The following BOLL variants were observed in gnomAD, a reference collection of about 807,000 sequenced individuals.
The protein encoded by BOLL is boule RNA binding protein, also known as protein boule-like.
A neutral mutation model predicts 44.4 loss-of-function variants in BOLL; 23 were observed. The observed-to-expected ratio is 0.52, with a 90% confidence interval of 0.37 to 0.73. BOLL has a LOEUF of 0.73. Among genes scored for constraint, BOLL ranks in the 30% least tolerant of loss-of-function variants. The pLI is 0.00. For synonymous variants in BOLL, 97 were observed against 110.8 expected (o/e 0.88, Z 0.78); for missense variants, 287 against 338.3 (o/e 0.85, Z 1.19).
At chr2:197,757,253 A>G in intron 8 of BOLL, 100 bp downstream of exon 8, 1 of 949,590 alleles carries the variant, frequency 1.1e-6, no homozygotes, top group Non-Finnish European at 1.6e-6. Flanking sequence ...TAAACAGAAG[A>G]AGAAGGTCTC....
intron 10 of BOLL, among the ~76,000 whole-genome samples, chr2:197,729,735 G>C (rs1485361035): frequency 1.3e-5 from 2 of 152,046 alleles, no homozygotes; most frequent in Admixed American, 6.5e-5. Flanking sequence ...TATTCCAACA[G>C]ACCTGCAGCT....
chr2:197,774,948 A>G (rs1212723029), intron 5 of BOLL: 1 of 151,952 alleles, frequency 6.6e-6, no homozygotes, highest in Non-Finnish European at 1.5e-5. Flanking sequence ...TAATAACCTA[A>G]TGTTTTAAAC....
chr2:197,757,509 A>G, intron 7 of BOLL, 109 bp from the exon 8 acceptor site: 1 of 875,522 alleles, frequency 1.1e-6, no homozygotes, highest in Non-Finnish European at 1.8e-6. Context: ...CATATACAAA[A>G]ATTAACTCAA....
rs548976070 is a variant in BOLL, at chr2:197,739,888, A to G, written c.828+3173T>C. ...TACACAATTTCCATCACTTTGTGAT[A>G]TAGCTCTCTCTCAGTAACTGAAAAT... On this transcript the variant is annotated intron_variant, in intron 10 of 10. Transcript: ENST00000392296. 5.3e-5 allele frequency among the ~76,000 whole-genome samples: 8 copies of G among 152,316 alleles called. No individual in the cohort carries two copies. In the South Asian group the frequency reaches 1.4e-3, roughly 28 times the overall value.
At position 197,781,741 on chromosome 2, in the gene BOLL, A is replaced by G. The variant is rs746650488; in HGVS notation, c.110T>C (p.Val37Ala). ...YGTVIPNRIF[V>A]GGIDFKTNES... ...AGGTACCTTAAAATCAATTCCTCCT[A>G]CAAAGATGCGATTAGGGATCACTGT... Residue 37 changes from valine to alanine, a missense_variant, in exon 2 of 11, where the codon GTA becomes GCA. Val to Ala is a moderately conservative substitution (Grantham distance 64, BLOSUM62 0). Coordinates refer to ENST00000392296, the MANE Select transcript of BOLL (RefSeq NM_033030.6). The G allele has an allele frequency of 4.5e-6, 7 of 1,566,994 alleles. No individual in the cohort carries two copies. The Admixed American group carries it at 5.1e-5, about 11-fold the overall frequency.
chr2:197,770,540 G>A (rs1298477555), intron 6 of BOLL, among the ~76,000 whole-genome samples: 4 of 151,930 alleles, frequency 2.6e-5, no homozygotes, highest in Non-Finnish European at 5.9e-5. Context: ...AAAAGAAACT[G>A]CCATCAGAGT....
chr2:197,757,302 GAATA>G, intron 8 of BOLL, 47 bp downstream of exon 8: 1 of 1,493,318 alleles, frequency 6.7e-7, no homozygotes, highest in Non-Finnish European at 9.2e-7. Flanking sequence ...GTCATCACAA[GAATA>G]TAATGAAAGA....
At chr2:197,747,104 A>G (rs1343726323) in intron 9 of BOLL, among the ~76,000 whole-genome samples, 1 of 152,088 alleles carries the variant, frequency 6.6e-6, no homozygotes, top group African/African-American at 2.4e-5. Flanking sequence ...AGTACCTTAA[A>G]TGTTCTCACC....
intron 7 of BOLL, among the ~76,000 whole-genome samples, chr2:197,759,957 C>T (rs1458976163): frequency 1.3e-5 from 2 of 152,138 alleles, no homozygotes; most frequent in Non-Finnish European, 2.9e-5. Context: ...GCAGAAATGT[C>T]CCCAGGGGAG....
intron 7 of BOLL, among the ~76,000 whole-genome samples, chr2:197,760,624 C>A (rs975975791): frequency 1.3e-5 from 2 of 152,324 alleles, no homozygotes; most frequent in Admixed American, 1.3e-4. Context: ...CCACCCCTGG[C>A]AAAGCCCTAC....
At chr2:197,778,001 C>CTTT (rs1689595675) in intron 3 of BOLL, among the ~76,000 whole-genome samples, 1 of 151,748 alleles carries the variant, frequency 6.6e-6, no homozygotes, top group African/African-American at 2.4e-5. Context: ...CACACGCCAC[C>CTTT]CAGTGGAAAA....
intron 2 of BOLL, among the ~76,000 whole-genome samples, chr2:197,780,786 T>C (rs949412912): frequency 1.8e-4 from 28 of 152,140 alleles, no homozygotes; most frequent in African/African-American, 6.5e-4. Context: ...GAAGGTTTTT[T>C]TTTTGTTGAA....
chr2:197,759,733 C>T (rs1331834089), intron 7 of BOLL, among the ~76,000 whole-genome samples: 1 of 152,180 alleles, frequency 6.6e-6, no homozygotes. Context: ...CCAGGGTGAA[C>T]CCACTCTTTA....
intron 3 of BOLL, among the ~76,000 whole-genome samples, chr2:197,777,814 G>T (rs1029790104): frequency 1.3e-5 from 2 of 151,744 alleles, no homozygotes; most frequent in Non-Finnish European, 3.0e-5. Context: ...TTGCTATTTA[G>T]ATAACTTAAG....
In BOLL at chr2:197,740,370, A is replaced by G. The variant is rs553839664; in HGVS notation, c.828+2691T>C. On this transcript the variant is annotated intron_variant, in intron 10 of 10. Transcript: ENST00000392296. ...CATATTACCATCTCAACAGTTGATC[A>G]GTCTGTGGCTCTTTACTGCAGATAA... is the stretch of plus-strand genomic sequence containing the variant. Among the ~76,000 whole-genome samples, 306 of 152,300 alleles carry G rather than the reference A, an allele frequency of 2.0e-3. 2 individuals are homozygous for G. Among genetic ancestry groups the G allele is most frequent in the African/African-American group, 7.2e-3 (298 of 41,582 alleles).
chr2:197,732,606 T>C (rs1039439273), intron 10 of BOLL, among the ~76,000 whole-genome samples: 1 of 151,024 alleles, frequency 6.6e-6, no homozygotes, highest in Non-Finnish European at 1.5e-5. Flanking sequence ...AAAAAGCTTA[T>C]CCACCATGAT....
intron 9 of BOLL, among the ~76,000 whole-genome samples, chr2:197,752,175 C>G (rs1015600730): frequency 2.0e-5 from 3 of 152,130 alleles, no homozygotes; most frequent in Non-Finnish European, 4.4e-5. Context: ...CTATTTATGA[C>G]AAACGAATAG....
At chr2:197,785,884 G>A (rs957018622), upstream of BOLL, 2 of 1,027,162 alleles carry the variant, frequency 1.9e-6, no homozygotes, top group African/African-American at 3.1e-5. The surrounding 1 kb of genome is among the most constrained non-coding windows in gnomAD (Gnocchi z 6.7). Flanking sequence ...GCGAGCGTTT[G>A]GGGCCTTCAC....
intron 1 of BOLL, 52 bp from the exon 2 acceptor site, chr2:197,781,917 CT>C (rs763246720): frequency 7.1e-7 from 1 of 1,415,818 alleles, no homozygotes; most frequent in South Asian, 1.9e-5. Context: ...ATGCAGTCTG[CT>C]TTTGATGCAG....
Sources: gnomAD v4.1 joint callset for allele counts (sites outside exome capture counted in the v4.1 genomes callset) on GRCh38, gnomAD v4.1.1 for gene constraint, Gnocchi (gnomAD v3.1) non-coding constraint, MANE v1.5 for transcripts, NCBI Gene and HGNC (gene_info 2026-07-23, HGNC 2026-07-21) for gene names.